MYH11: variants seen among roughly 807,000 people sequenced by gnomAD.
MYH11 encodes the protein myosin-11.
In MYH11, 80 loss-of-function variants were observed where a neutral mutation model predicts 246.6. The observed-to-expected ratio is 0.32, with a 90% confidence interval of 0.27 to 0.39. MYH11 has a LOEUF of 0.39. Among genes scored for constraint, MYH11 ranks in the 10% least tolerant of loss-of-function variants. The probability of loss-of-function intolerance (pLI) is 1.00; values close to 1 mark genes in which losing one functional copy is unlikely to be tolerated. For missense variants in MYH11, 2,158 were observed against 2,546.8 expected, an observed-to-expected ratio of 0.85 and a Z score of 3.29; for synonymous variants, 1,071 against 1,015.5, an observed-to-expected ratio of 1.05 and a Z score of -1.04.
chr16:15,747,122 A>G (rs1028756315), intron 19 of MYH11, among the ~76,000 whole-genome samples: 5 of 151,880 alleles, frequency 3.3e-5, no homozygotes, highest in Non-Finnish European at 5.9e-5. Context: ...GGAAGGAAGG[A>G]AGGGAGGGAG....
At chr16:15,731,325 T>G (rs967717773) in intron 27 of MYH11, among the ~76,000 whole-genome samples, 2 of 152,182 alleles carry the variant, frequency 1.3e-5, no homozygotes, top group Non-Finnish European at 2.9e-5. Context: ...GTGCAAATCA[T>G]GGCTCTGTCA....
intron 7 of MYH11, among the ~76,000 whole-genome samples, chr16:15,777,688 A>C (rs2042256629): frequency 6.6e-6 from 1 of 152,130 alleles, no homozygotes; most frequent in Non-Finnish European, 1.5e-5. Context: ...TTAAAGTAGA[A>C]ACGTAGAAAA....
At position 15,835,746 on chromosome 16, in the gene MYH11, ATTTTTTTTT is replaced by A. The variant is rs386384349; in HGVS notation, c.345+2153_345+2161del. Among the ~76,000 whole-genome samples, 14 of 132,100 alleles carry A rather than the reference ATTTTTTTTT, an allele frequency of 1.1e-4. 1 individual carries two copies. The highest frequency in any genetic ancestry group is 6.8e-4 in the East Asian group (3 of 4,414). 86.7% of individuals were successfully genotyped at this position (132,100 alleles called of 152,430 possible). On this transcript the variant is annotated intron_variant, in intron 2 of 40. Coordinates refer to ENST00000300036, the MANE Select transcript of MYH11 (RefSeq NM_002474.3). ...TAACCCACTCCATGAAGCTGGTACT[ATTTTTTTTT>A]TTTTTTTTTTTTGAAACAGACAAGG...
intron 3 of MYH11, among the ~76,000 whole-genome samples, chr16:15,801,011 G>C (rs2151325145): frequency 6.6e-6 from 1 of 152,152 alleles, no homozygotes; most frequent in South Asian, 2.1e-4. Flanking sequence ...TTCCAGACCA[G>C]CCTGGCTAAC....
At chr16:15,764,856 T>C (rs1356839517) in intron 9 of MYH11, among the ~76,000 whole-genome samples, 3 of 152,376 alleles carry the variant, frequency 2.0e-5, no homozygotes, top group African/African-American at 7.2e-5. Context: ...CTCTTCTGGG[T>C]GTAACAGATG....
chr16:15,843,839 G>C (rs2044120043), intron 1 of MYH11, among the ~76,000 whole-genome samples: 1 of 152,112 alleles, frequency 6.6e-6, no homozygotes, highest in South Asian at 2.1e-4. Context: ...GACTGGGATG[G>C]GGCCCAAGAA....
In MYH11 at chr16:15,724,427, A is replaced by G; in HGVS notation, c.4117-18T>C. On this transcript the variant is annotated intron_variant, in intron 30 of 40. Coordinates refer to ENST00000300036, the MANE Select transcript of MYH11 (RefSeq NM_002474.3). ...TCGGAGAGCTACAAGGACAGCGTCCAGGGTAGGGTGAGAGGGGGACCATGA... is the reference window on the plus strand; with the variant it reads ...TCGGAGAGCTACAAGGACAGCGTCCGGGGTAGGGTGAGAGGGGGACCATGA... 1.2e-6 allele frequency: 2 copies of G among 1,613,502 alleles called. No individual in the cohort carries two copies. The highest frequency in any genetic ancestry group is 8.5e-7 in the Non-Finnish European group (1 of 1,180,014).
intron 3 of MYH11, among the ~76,000 whole-genome samples, chr16:15,816,923 T>C (rs898339995): frequency 6.6e-6 from 1 of 152,126 alleles, no homozygotes; most frequent in Admixed American, 6.5e-5. Context: ...AAAAACCAAT[T>C]TTTTAAAAAA....
At chr16:15,764,252 C>A (rs1422064205) in intron 9 of MYH11, among the ~76,000 whole-genome samples, 1 of 152,136 alleles carries the variant, frequency 6.6e-6, no homozygotes, top group East Asian at 1.9e-4. Flanking sequence ...CCTACAAAGG[C>A]TAAAGAATTT....
At chr16:15,752,621 G>A (rs1203684295) in intron 15 of MYH11, among the ~76,000 whole-genome samples, 2 of 152,186 alleles carry the variant, frequency 1.3e-5, no homozygotes, top group African/African-American at 4.8e-5. Context: ...GCTCACACCT[G>A]TAATCCCAGC....
chr16:15,753,419 C>G lies in MYH11; in HGVS notation c.1839G>C (p.Lys613Asn), dbSNP rs754374723. 1.3e-5 allele frequency: 21 copies of G among 1,614,158 alleles called. No individual in the cohort carries two copies. In the Admixed American group the frequency reaches 3.5e-4, roughly 27 times the overall value. Residue 613 changes from lysine to asparagine, a missense_variant, in exon 15 of 41, where the codon AAG becomes AAC. Transcript: ENST00000300036. ...CGTCCTTCCACAGGTCGGCCACAAA[C>G]TTGTCGGAGGAGGCATTGAGCAGGG... ...VTSLLNASSD[K>N]FVADLWKDVD...
intron 40 of MYH11, 68 bp from the exon 41 acceptor site, chr16:15,704,191 A>G (rs1297707181): frequency 1.3e-6 from 2 of 1,592,886 alleles, no homozygotes; most frequent in Admixed American, 3.4e-5. Flanking sequence ...TTTTTTATAA[A>G]TCTATTTTAA....
At chr16:15,728,549 A>G (rs1402781545) in intron 27 of MYH11, among the ~76,000 whole-genome samples, 5 of 152,104 alleles carry the variant, frequency 3.3e-5, no homozygotes, top group African/African-American at 2.4e-5. Context: ...TAGTTAAGGG[A>G]AACTTATTTT....
At chr16:15,768,897 G>A (rs2042038618) in intron 9 of MYH11, among the ~76,000 whole-genome samples, 1 of 152,188 alleles carries the variant, frequency 6.6e-6, no homozygotes, top group Non-Finnish European at 1.5e-5. Context: ...TGTAATCCCA[G>A]CACTTTGGGA....
At chr16:15,716,664 G>A (rs1440595036) in intron 38 of MYH11, among the ~76,000 whole-genome samples, 1 of 152,172 alleles carries the variant, frequency 6.6e-6, no homozygotes, top group Non-Finnish European at 1.5e-5. Flanking sequence ...TGAGATAATA[G>A]GCATGTGCCA....
intron 9 of MYH11, among the ~76,000 whole-genome samples, chr16:15,766,344 GGTGT>G (rs3073439): frequency 0.2 from 27,006 of 136,512 alleles, 2,807 homozygotes; most frequent in East Asian, 0.36. Context: ...CATGTTTTTT[GGTGT>G]GTGTGTGTGT....
At chr16:15,831,742 C>T (rs879670707) in intron 2 of MYH11, among the ~76,000 whole-genome samples, 1 of 151,926 alleles carries the variant, frequency 6.6e-6, no homozygotes, top group Non-Finnish European at 1.5e-5. Context: ...AGTTCAAGAC[C>T]AACCTGGCCA....
intron 27 of MYH11, 185 bp downstream of exon 27, chr16:15,732,379 C>T (rs1037657249): frequency 6.9e-6 from 6 of 867,948 alleles, no homozygotes; most frequent in Admixed American, 4.3e-5. Flanking sequence ...GGATTACAGG[C>T]GTGAGCCACC....
chr16:15,719,507 A>G, intron 35 of MYH11, 78 bp downstream of exon 35: 1 of 1,603,194 alleles, frequency 6.2e-7, no homozygotes, highest in South Asian at 1.1e-5. Context: ...GAAATCTGGG[A>G]ATGCACAGAC....
Sources: gnomAD v4.1 joint callset for allele counts (sites outside exome capture counted in the v4.1 genomes callset) on GRCh38, gnomAD v4.1.1 for gene constraint, MANE v1.5 for transcripts, NCBI Gene and HGNC (gene_info 2026-07-23, HGNC 2026-07-21) for gene names.